Variants in AP3B1 observed in about 807,000 individuals in gnomAD.
AP3B1 encodes the protein AP-3 complex subunit beta-1.
A neutral mutation model predicts 132.5 loss-of-function variants in AP3B1; 61 were observed. The ratio of observed to expected loss-of-function variants is 0.46; its 90% CI spans 0.37 to 0.57. The LOEUF (loss-of-function observed/expected upper bound fraction) is 0.57, where lower values mean the gene tolerates loss of function less well. AP3B1 is among the 20% of genes least tolerant of loss of function. The pLI, the probability that AP3B1 is intolerant of heterozygous loss-of-function variation, is 0.00. For missense variants in AP3B1, 1,120 were observed against 1,289.4 expected (o/e 0.87, Z 2.01); for synonymous variants, 388 against 438.3 (o/e 0.89, Z 1.43).
rs1230085308 is a variant in AP3B1 at position 78,278,530 on chromosome 5, C to T, written c.129-10935G>A. On this transcript the variant is annotated intron_variant, in intron 1 of 26. Coordinates refer to ENST00000255194, the MANE Select transcript of AP3B1 (RefSeq NM_003664.5). ...AGGAGAATGGCGTGAACCCGGGAGGCGGAGCTTGCAGTGAGCCGAGATCCC... is the reference window on the plus strand; with the variant it reads ...AGGAGAATGGCGTGAACCCGGGAGGTGGAGCTTGCAGTGAGCCGAGATCCC... 2.5e-5 allele frequency among the ~76,000 whole-genome samples: 2 copies of T among 79,096 alleles called. 1 individual carries two copies. The highest frequency in any genetic ancestry group is 5.8e-5 in the Non-Finnish European group (2 of 34,416). The allele number at this position is 79,096 out of a possible 152,430, so 51.9% of individuals were successfully genotyped here.
At chr5:78,241,364 G>A (rs555104203) in intron 2 of AP3B1, among the ~76,000 whole-genome samples, 38 of 151,954 alleles carry the variant, frequency 2.5e-4, no homozygotes, top group African/African-American at 6.5e-4. Context: ...GCTAATTTTC[G>A]AATTTTTTTG....
chr5:78,107,345 G>A (rs74783766), intron 20 of AP3B1, among the ~76,000 whole-genome samples: 5,451 of 152,144 alleles, frequency 0.036, 299 homozygotes, highest in African/African-American at 0.12. Flanking sequence ...GAAATAACTG[G>A]GTTAAGAAGT....
intron 20 of AP3B1, among the ~76,000 whole-genome samples, chr5:78,104,652 A>G (rs541997227): frequency 6.6e-6 from 1 of 152,172 alleles, no homozygotes; most frequent in South Asian, 2.1e-4. Flanking sequence ...TGTTCCTTTC[A>G]CTCTTATCCA....
chr5:78,160,047 G>C (rs1743324535), intron 13 of AP3B1, among the ~76,000 whole-genome samples: 1 of 152,188 alleles, frequency 6.6e-6, no homozygotes, highest in Non-Finnish European at 1.5e-5. Flanking sequence ...AGGTGGTATA[G>C]TCCTACATGT....
chr5:78,185,784 C>T (rs1045771426), intron 7 of AP3B1, among the ~76,000 whole-genome samples: 1 of 152,046 alleles, frequency 6.6e-6, no homozygotes, highest in Non-Finnish European at 1.5e-5. Context: ...GTGGGAGGAT[C>T]ACTGGAGCCC....
intron 17 of AP3B1, among the ~76,000 whole-genome samples, chr5:78,121,194 G>A (rs1244308424): frequency 6.6e-6 from 1 of 152,072 alleles, no homozygotes; most frequent in African/African-American, 2.4e-5. Flanking sequence ...ATTCAAAGCA[G>A]TGTGTAGAGG....
At chr5:78,159,035 G>A (rs1743280670) in intron 13 of AP3B1, among the ~76,000 whole-genome samples, 1 of 152,130 alleles carries the variant, frequency 6.6e-6, no homozygotes, top group Non-Finnish European at 1.5e-5. Flanking sequence ...ACCTCTTGGT[G>A]CTATGAGGAA....
At chr5:78,121,340 A>G (rs575048435) in intron 17 of AP3B1, among the ~76,000 whole-genome samples, 4 of 152,160 alleles carry the variant, frequency 2.6e-5, no homozygotes, top group South Asian at 2.1e-4. Flanking sequence ...AAATAACTAA[A>G]ATCAGAGCAG....
intron 1 of AP3B1, among the ~76,000 whole-genome samples, chr5:78,274,320 G>C (rs1041000234): frequency 2.0e-5 from 3 of 151,318 alleles, no homozygotes; most frequent in African/African-American, 7.3e-5. Context: ...CTTGAAGGCA[G>C]GTCAAGAGAA....
intron 15 of AP3B1, among the ~76,000 whole-genome samples, chr5:78,135,308 A>G (rs539916228): frequency 6.6e-6 from 1 of 152,218 alleles, no homozygotes; most frequent in Admixed American, 6.5e-5. Flanking sequence ...CAAAAACATG[A>G]TATTAAGCAA....
At chr5:78,124,289 G>A (rs1007408667) in intron 17 of AP3B1, among the ~76,000 whole-genome samples, 1 of 151,210 alleles carries the variant, frequency 6.6e-6, no homozygotes, top group African/African-American at 2.4e-5. Flanking sequence ...CATGGCACAT[G>A]TATACATATG....
chr5:78,210,341 A>G (rs1418689242), intron 7 of AP3B1, among the ~76,000 whole-genome samples: 2 of 152,180 alleles, frequency 1.3e-5, no homozygotes, highest in Non-Finnish European at 2.9e-5. Context: ...CCTACAGAAA[A>G]TTGCTCATCA....
At chr5:78,134,228 C>G (rs1013993696) in intron 15 of AP3B1, among the ~76,000 whole-genome samples, 1 of 149,930 alleles carries the variant, frequency 6.7e-6, no homozygotes, top group Non-Finnish European at 1.5e-5. Flanking sequence ...AATATTTATT[C>G]AAACAATAGC....
intron 21 of AP3B1, among the ~76,000 whole-genome samples, chr5:78,092,153 T>G (rs528955194): frequency 6.6e-6 from 1 of 152,334 alleles, no homozygotes; most frequent in African/African-American, 2.4e-5. Flanking sequence ...CATCTGTCCT[T>G]TCAAAATATT....
Position 78,148,669 on chromosome 5 carries a change from T to C in AP3B1, c.1474-7350A>G, listed in dbSNP as rs145532206. 7.2e-3 allele frequency among the ~76,000 whole-genome samples: 1,096 copies of C among 152,314 alleles called. 10 individuals carry two copies. Among genetic ancestry groups the C allele is most frequent in the African/African-American group, 0.025 (1,047 of 41,576 alleles). Reference sequence around the variant, plus strand: ...CAAATTTAGCACTTTGGTTAGACATTCCTAGTCTATTGCTATACATTTATT... The same window carrying C: ...CAAATTTAGCACTTTGGTTAGACATCCCTAGTCTATTGCTATACATTTATT... On this transcript the variant is annotated intron_variant, in intron 14 of 26. Coordinates refer to ENST00000255194, the MANE Select transcript of AP3B1 (RefSeq NM_003664.5).
At chr5:78,286,035 C>T (rs1381379885) in intron 1 of AP3B1, among the ~76,000 whole-genome samples, 4 of 152,102 alleles carry the variant, frequency 2.6e-5, no homozygotes, top group Non-Finnish European at 4.4e-5. Context: ...CCTTCTCACT[C>T]AGAGTAAAAT....
At chr5:78,041,000 C>T (rs923650524) in intron 22 of AP3B1, among the ~76,000 whole-genome samples, 7 of 152,266 alleles carry the variant, frequency 4.6e-5, no homozygotes, top group East Asian at 1.9e-4. Flanking sequence ...TCTGGCCAGG[C>T]GCGGTGGCTC....
intron 21 of AP3B1, among the ~76,000 whole-genome samples, chr5:78,097,869 G>A (rs1198760286): frequency 3.9e-5 from 6 of 152,356 alleles, no homozygotes; most frequent in African/African-American, 1.4e-4. Flanking sequence ...TTGAGAAATC[G>A]GATGGTTGCG....
At chr5:78,079,321 A>C (rs1171881160) in intron 22 of AP3B1, among the ~76,000 whole-genome samples, 1 of 152,196 alleles carries the variant, frequency 6.6e-6, no homozygotes, top group Non-Finnish European at 1.5e-5. Flanking sequence ...TTTTTTACAA[A>C]AGAATTTTAC....
Sources: allele counts gnomAD v4.1 joint callset (sites outside exome capture counted in the v4.1 genomes callset), GRCh38; gene constraint gnomAD v4.1.1; transcripts MANE v1.5; gene names NCBI Gene and HGNC (gene_info 2026-07-23, HGNC 2026-07-21).